The following ZFHX3 variants were observed in gnomAD, a reference collection of about 807,000 sequenced individuals.
ZFHX3 encodes the protein zinc finger homeobox 3.
Under a neutral mutation model 279.1 loss-of-function variants are expected in ZFHX3, and 42 were observed. The observed-to-expected ratio is 0.15, with a 90% CI of 0.12 to 0.19. The LOEUF (loss-of-function observed/expected upper bound fraction) is 0.19. ZFHX3 is among the 10% of genes least tolerant of loss of function. The probability of loss-of-function intolerance (pLI) is 1.00; values close to 1 mark genes in which losing one functional copy is unlikely to be tolerated. For missense variants in ZFHX3, 4,981 were observed against 4,754.0 expected (o/e 1.05, Z -1.40); for synonymous variants, 2,293 against 1,957.8 (o/e 1.17, Z -4.52).
intron 1 of ZFHX3, chr16:72,973,295 C>T (rs1250351976): frequency 6.6e-6 from 1 of 152,202 alleles, no homozygotes. Flanking sequence ...ATATCATGTT[C>T]ATCCCCATCC....
At chr16:73,701,174 C>T (rs987884035) in intron 1 of ZFHX3, among the ~76,000 whole-genome samples, 3 of 151,920 alleles carry the variant, frequency 2.0e-5, no homozygotes, top group African/African-American at 2.4e-5. Context: ...GCATAAGCCT[C>T]GACAATAAAT....
At chr16:73,567,137 CTTGTTTTTTGT>C (rs1279242478) in intron 2 of ZFHX3, among the ~76,000 whole-genome samples, 1 of 152,170 alleles carries the variant, frequency 6.6e-6, no homozygotes, top group Non-Finnish European at 1.5e-5. Flanking sequence ...ATGGGTCCCT[CTTGTTTTTTGT>C]TTGTTTGTTT....
intron 1 of ZFHX3, among the ~76,000 whole-genome samples, chr16:73,024,395 C>T (rs1014681290): frequency 2.0e-5 from 3 of 152,166 alleles, no homozygotes; most frequent in African/African-American, 7.2e-5. Context: ...CTCCACTCCC[C>T]TTCCTTCCCC....
At chr16:73,513,725 G>C (rs2019472443) in intron 2 of ZFHX3, among the ~76,000 whole-genome samples, 1 of 152,152 alleles carries the variant, frequency 6.6e-6, no homozygotes, top group African/African-American at 2.4e-5. Flanking sequence ...CTGGAAGGAG[G>C]AAGATTGCAA....
intron 1 of ZFHX3, among the ~76,000 whole-genome samples, chr16:73,840,729 A>G (rs1367256563): frequency 6.6e-6 from 1 of 152,226 alleles, no homozygotes; most frequent in Non-Finnish European, 1.5e-5. Context: ...GTCCCACATT[A>G]TGCAACATGC....
intron 2 of ZFHX3, chr16:73,487,433 C>T (rs1350507736): frequency 2.1e-5 from 9 of 430,976 alleles, no homozygotes; most frequent in East Asian, 1.4e-4. Context: ...GGCAGAGTCT[C>T]GATCTGTTGC....
intron 3 of ZFHX3, among the ~76,000 whole-genome samples, chr16:73,394,384 C>T (rs934014315): frequency 2.0e-5 from 3 of 152,052 alleles, no homozygotes; most frequent in South Asian, 4.1e-4. Flanking sequence ...GCAACCTCCA[C>T]CTCCTGGTTC....
chr16:72,958,882 G>C lies in ZFHX3; in HGVS notation c.1264C>G (p.Pro422Ala). The C allele has an allele frequency of 6.2e-7, 1 of 1,611,462 alleles. No homozygotes were observed. Among genetic ancestry groups the C allele is most frequent in the Non-Finnish European group, 8.5e-7 (1 of 1,178,566 alleles). Residue 422 changes from proline to alanine, a missense_variant, in exon 2 of 10, where the codon CCT becomes GCT. Coordinates refer to ENST00000268489, the MANE Select transcript of ZFHX3 (RefSeq NM_006885.4). ...KTPITSVPLGPLASSPTKSSE... is the reference protein window; with the variant it reads ...KTPITSVPLGALASSPTKSSE... ...GATTTGGTAGGACTGGAAGCCAGAG[G>C]CCCCAGGGGGACTGAGGTAATGGGG...
intron 4 of ZFHX3, among the ~76,000 whole-genome samples, chr16:73,303,675 G>T (rs945152556): frequency 1.3e-5 from 2 of 152,058 alleles, no homozygotes; most frequent in Non-Finnish European, 2.9e-5. Context: ...GGACAATTTA[G>T]GTCCTAGCTG....
At chr16:73,684,462 G>A (rs995092764) in intron 1 of ZFHX3, among the ~76,000 whole-genome samples, 5 of 152,028 alleles carry the variant, frequency 3.3e-5, no homozygotes, top group Admixed American at 2.0e-4. Flanking sequence ...AGATAACTCT[G>A]AGCATCCTAG....
chr16:73,419,007 G>A (rs1027240944), intron 3 of ZFHX3, among the ~76,000 whole-genome samples: 1 of 152,168 alleles, frequency 6.6e-6, no homozygotes, highest in African/African-American at 2.4e-5. Flanking sequence ...CCAATTTAAG[G>A]GATTTAAACA....
chr16:72,870,452 G>C (rs1369486657), intron 4 of ZFHX3, among the ~76,000 whole-genome samples: 1 of 151,850 alleles, frequency 6.6e-6, no homozygotes, highest in East Asian at 1.9e-4. Context: ...GCTCACGCCT[G>C]TAATCCCAGC....
chr16:73,566,296 C>A (rs2020450146), intron 2 of ZFHX3, among the ~76,000 whole-genome samples: 1 of 152,218 alleles, frequency 6.6e-6, no homozygotes, highest in Admixed American at 6.5e-5. Flanking sequence ...CTAAAATACC[C>A]ACAATGGGTG....
At chr16:73,449,531 CT>C (rs2143555761) in intron 3 of ZFHX3, among the ~76,000 whole-genome samples, 1 of 152,180 alleles carries the variant, frequency 6.6e-6, no homozygotes, top group South Asian at 2.1e-4. Context: ...ATAAACTCTT[CT>C]TAAAAATAAA....
intron 1 of ZFHX3, among the ~76,000 whole-genome samples, chr16:73,813,331 T>C (rs538014458): frequency 2.0e-5 from 3 of 152,028 alleles, no homozygotes; most frequent in East Asian, 1.9e-4. Flanking sequence ...TGAATTGCAA[T>C]GTCTGAACAG....
intron 3 of ZFHX3, among the ~76,000 whole-genome samples, chr16:73,337,893 G>C (rs1023352168): frequency 2.4e-4 from 6 of 25,366 alleles, no homozygotes; most frequent in Non-Finnish European, 1.7e-3. Context: ...TTCCCTTGGC[G>C]GGGGGGGGGG....
At chr16:73,239,521 T>A (rs1363146494) in intron 5 of ZFHX3, among the ~76,000 whole-genome samples, 1 of 152,222 alleles carries the variant, frequency 6.6e-6, no homozygotes, top group East Asian at 1.9e-4. Flanking sequence ...TCCATTTTCC[T>A]TTTTACCTGG....
At chr16:73,810,076 C>T (rs1597125806) in intron 1 of ZFHX3, among the ~76,000 whole-genome samples, 1 of 152,108 alleles carries the variant, frequency 6.6e-6, no homozygotes, top group Non-Finnish European at 1.5e-5. Context: ...GAAGTCCTGC[C>T]TGTTAGAGTC....
chr16:73,794,028 C>T (rs1377901421), intron 1 of ZFHX3: 1 of 152,136 alleles, frequency 6.6e-6, no homozygotes, highest in African/African-American at 2.4e-5. Flanking sequence ...ACGAGATTGG[C>T]CCTTTTAATG....
Sources: gnomAD v4.1 joint callset for allele counts (sites outside exome capture counted in the v4.1 genomes callset) on GRCh38, gnomAD v4.1.1 for gene constraint, MANE v1.5 for transcripts, NCBI Gene and HGNC (gene_info 2026-07-23, HGNC 2026-07-21) for gene names.